Variants in GRIK4 observed in about 807,000 individuals in gnomAD.
GRIK4 encodes the protein glutamate receptor ionotropic, kainate 4.
A neutral mutation model predicts 104.9 loss-of-function variants in GRIK4; 40 were observed. The ratio of observed to expected loss-of-function variants is 0.38; its 90% CI spans 0.30 to 0.50. GRIK4 has a LOEUF of 0.50. GRIK4 is among the 20% of genes least tolerant of loss of function. The probability of loss-of-function intolerance (pLI) is 0.93; values close to 1 mark genes in which losing one functional copy is unlikely to be tolerated. For synonymous variants in GRIK4, 485 were observed against 524.9 expected (o/e 0.92, Z 1.04); for missense variants, 1,047 against 1,308.1 (o/e 0.80, Z 3.08).
chr11:120,843,630 G>T (rs1441153650), intron 8 of GRIK4, among the ~76,000 whole-genome samples: 1 of 152,208 alleles, frequency 6.6e-6, no homozygotes, highest in Non-Finnish European at 1.5e-5. Flanking sequence ...CTGTTTTAGA[G>T]ATGAGCAAGT....
intron 8 of GRIK4, among the ~76,000 whole-genome samples, chr11:120,843,160 G>C (rs1341496334): frequency 6.6e-6 from 1 of 152,264 alleles, no homozygotes; most frequent in East Asian, 1.9e-4. Flanking sequence ...TGTGTGGTCT[G>C]CTGACCACTG....
chr11:120,840,629 A>C (rs530795026), intron 8 of GRIK4, among the ~76,000 whole-genome samples: 2 of 152,336 alleles, frequency 1.3e-5, no homozygotes, highest in Admixed American at 1.3e-4. Context: ...GGGGGTCAAA[A>C]GTCCAGGCCA....
intron 3 of GRIK4, among the ~76,000 whole-genome samples, chr11:120,696,709 A>G (rs1950454588): frequency 6.6e-6 from 1 of 152,078 alleles, no homozygotes; most frequent in African/African-American, 2.4e-5. Context: ...GGTCTGGCCA[A>G]GGCAGCGGCA....
At chr11:120,617,478 C>T (rs1949131613) in intron 1 of GRIK4, among the ~76,000 whole-genome samples, 1 of 152,100 alleles carries the variant, frequency 6.6e-6, no homozygotes, top group Admixed American at 6.5e-5. Context: ...CTCGCAGGCC[C>T]AAGTGATCCT....
intron 1 of GRIK4, among the ~76,000 whole-genome samples, chr11:120,591,099 G>A (rs1396743029): frequency 6.6e-6 from 1 of 152,024 alleles, no homozygotes; most frequent in African/African-American, 2.4e-5. Flanking sequence ...ACCATACTGC[G>A]CGATCCAGCC....
chr11:120,872,632 G>T (rs903714406), intron 9 of GRIK4: 6 of 153,482 alleles, frequency 3.9e-5, no homozygotes, highest in African/African-American at 1.4e-4. Flanking sequence ...ATGGGACTCT[G>T]TGTGGACTTC....
intron 3 of GRIK4, among the ~76,000 whole-genome samples, chr11:120,770,024 A>G (rs999549532): frequency 2.0e-5 from 3 of 152,218 alleles, no homozygotes; most frequent in Non-Finnish European, 4.4e-5. Context: ...GGTAACACCC[A>G]AACCCATACA....
At chr11:120,725,638 T>C (rs1951015651) in intron 3 of GRIK4, among the ~76,000 whole-genome samples, 1 of 152,212 alleles carries the variant, frequency 6.6e-6, no homozygotes, top group South Asian at 2.1e-4. Context: ...GTTTCAATTC[T>C]TTGATTCTTT....
intron 11 of GRIK4, among the ~76,000 whole-genome samples, chr11:120,877,178 G>A (rs1954844794): frequency 6.6e-6 from 1 of 152,206 alleles, no homozygotes; most frequent in African/African-American, 2.4e-5. Flanking sequence ...CTACCATTTT[G>A]TATAATTTCT....
chr11:120,729,201 T>G (rs1565318549), intron 3 of GRIK4, among the ~76,000 whole-genome samples: 2 of 152,250 alleles, frequency 1.3e-5, no homozygotes, highest in Non-Finnish European at 2.9e-5. Flanking sequence ...TTGGCTATTG[T>G]GAATAGAGTT....
chr11:120,577,087 A>ATT (rs778503869), intron 1 of GRIK4, among the ~76,000 whole-genome samples: 11 of 152,224 alleles, frequency 7.2e-5, no homozygotes, highest in Non-Finnish European at 1.5e-4. Context: ...GATAATGAGA[A>ATT]TATAAGAGAA....
intron 6 of GRIK4, among the ~76,000 whole-genome samples, chr11:120,830,530 G>A (rs753661151): frequency 2.0e-5 from 3 of 152,136 alleles, no homozygotes; most frequent in Non-Finnish European, 4.4e-5. Context: ...AGCCATCCCC[G>A]AGTTGAATAT....
chr11:120,591,129 C>T (rs1163841665), intron 1 of GRIK4, among the ~76,000 whole-genome samples: 2 of 151,948 alleles, frequency 1.3e-5, no homozygotes, highest in Non-Finnish European at 2.9e-5. Flanking sequence ...AGAATAGGAC[C>T]ATGGTGTCTG....
At position 120,809,582 on chromosome 11, in the gene GRIK4, GA is replaced by G. The variant is rs1952785622; in HGVS notation, c.248-5795del. ...CATTTGGGATCATTTCAGTTCAGTTGAGCAAACATTTAATGAGCAATTTCTT... is the reference window on the plus strand; with the variant it reads ...CATTTGGGATCATTTCAGTTCAGTTGGCAAACATTTAATGAGCAATTTCTT... On this transcript the variant is annotated intron_variant, in intron 4 of 20. Coordinates refer to ENST00000527524, the MANE Select transcript of GRIK4 (RefSeq NM_014619.5). 2.0e-5 allele frequency among the ~76,000 whole-genome samples: 3 copies of G among 152,328 alleles called. No homozygotes were observed. In the South Asian group the frequency reaches 6.2e-4, roughly 32 times the overall value.
intron 1 of GRIK4, among the ~76,000 whole-genome samples, chr11:120,583,104 C>T (rs1266164304): frequency 4.6e-5 from 7 of 152,098 alleles, no homozygotes; most frequent in African/African-American, 2.4e-5. Context: ...TCTAATGATT[C>T]GTGATGTTGA....
chr11:120,528,396 C>T (rs953457256), intron 1 of GRIK4, among the ~76,000 whole-genome samples: 2 of 152,238 alleles, frequency 1.3e-5, no homozygotes, highest in South Asian at 2.1e-4. Context: ...CAGGCATGAG[C>T]CACCAAGCCC....
intron 1 of GRIK4, among the ~76,000 whole-genome samples, chr11:120,519,221 A>T (rs763896642): frequency 6.6e-6 from 1 of 152,190 alleles, no homozygotes; most frequent in Non-Finnish European, 1.5e-5. Context: ...GTACAATGCA[A>T]AGTACTTTCC....
At chr11:120,985,825 T>C in intron 20 of GRIK4, 79 bp from the exon 21 acceptor site, 1 of 1,309,204 alleles carries the variant, frequency 7.6e-7, no homozygotes, top group Non-Finnish European at 1.1e-6. Flanking sequence ...GCCCCCTTCA[T>C]CCCTCATCCC....
At chr11:120,848,087 G>T (rs752087918) in intron 8 of GRIK4, among the ~76,000 whole-genome samples, 2 of 152,200 alleles carry the variant, frequency 1.3e-5, no homozygotes, top group Non-Finnish European at 2.9e-5. Context: ...GACCCTGGAA[G>T]CCTTCTCACC....
Sources: allele counts gnomAD v4.1 joint callset (sites outside exome capture counted in the v4.1 genomes callset), GRCh38; gene constraint gnomAD v4.1.1; transcripts MANE v1.5; gene names NCBI Gene and HGNC (gene_info 2026-07-23, HGNC 2026-07-21).